The following CDK13 variants were observed in gnomAD, a reference collection of about 807,000 sequenced individuals.
CDK13 encodes cyclin dependent kinase 13.
A neutral mutation model predicts 137.6 loss-of-function variants in CDK13; 40 were observed. The ratio of observed to expected loss-of-function variants is 0.29; its 90% CI spans 0.23 to 0.38. CDK13 has a LOEUF of 0.38. Among genes scored for constraint, CDK13 ranks in the 10% least tolerant of loss-of-function variants. CDK13 has a pLI of 1.00. For missense variants in CDK13, 1,704 were observed against 1,951.8 expected (o/e 0.87, Z 2.39); for synonymous variants, 869 against 760.1 (o/e 1.14, Z -2.36).
intron 5 of CDK13, among the ~76,000 whole-genome samples, chr7:40,033,793 A>G (rs1785427457): frequency 1.3e-5 from 2 of 152,214 alleles, no homozygotes; most frequent in Admixed American, 1.3e-4. Context: ...TCAGTCTTTT[A>G]GTGAACCTGT....
chr7:39,987,912 A>G lies in CDK13; in HGVS notation c.1525A>G (p.Thr509Ala). The change falls in exon 2 of 14, where the codon ACA (threonine) becomes GCA (alanine). Residue 509 changes from threonine to alanine, a missense_variant. Thr to Ala is a moderately conservative substitution (Grantham distance 58). Coordinates refer to ENST00000181839, the MANE Select transcript of CDK13 (RefSeq NM_003718.5). The part of the protein sequence containing the change: ...NTETSASASQ[T>A]NHVKDVKKIK... ...GGAAACTAGTGCCAGTGCATCACAA[A>G]CAAACCATGTGAAGGATGTGAAGAA... The G allele has an allele frequency of 9.3e-6, 15 of 1,614,214 alleles. No individual in the cohort carries two copies. The highest frequency in any genetic ancestry group is 1.3e-5 in the Non-Finnish European group (15 of 1,179,992).
At chr7:40,076,937 T>C (rs560151738) in intron 9 of CDK13, among the ~76,000 whole-genome samples, 31 of 152,314 alleles carry the variant, frequency 2.0e-4, no homozygotes, top group African/African-American at 7.5e-4. Context: ...AAATTTGGTA[T>C]ACTAAAAATA....
rs1562690887 is a variant in CDK13, at chr7:39,950,367, G to A, written c.-275G>A. On this transcript the variant is annotated 5_prime_UTR_variant, in exon 1 of 14. In the 5' UTR this introduces an upstream ATG that the reference lacks. Transcript: ENST00000181839. ...CGCAGGTCAGCGCCCGGCGCATCTG[G>A]TGTTTTCGCTGCCGAGGATAGGACG... The A allele has an allele frequency of 1.7e-6, 2 of 1,206,562 alleles. No individual in the cohort carries two copies. Among genetic ancestry groups the A allele is most frequent in the Middle Eastern group, 3.2e-4 (1 of 3,126 alleles). 74.7% of individuals were successfully genotyped at this position (1,206,562 alleles called of 1,614,324 possible).
chr7:40,095,185 G>A lies in CDK13; in HGVS notation c.*205G>A. On this transcript the variant is annotated 3_prime_UTR_variant, in exon 14 of 14. Transcript: ENST00000181839. ...TGCTGTTCTAAAAACTAGATCGATT[G>A]TACATCTTCACAAATTCTAGTTAAC... 1 of 379,204 alleles carries A rather than the reference G, an allele frequency of 2.6e-6. No individual in the cohort carries two copies. Among genetic ancestry groups the A allele is most frequent in the Non-Finnish European group, 4.6e-6 (1 of 219,340 alleles). The allele number at this position is 379,204 out of a possible 1,614,324, so 23.5% of individuals were successfully genotyped here. A position where few individuals can be genotyped will look rare whatever the true frequency, so the allele number is the denominator to read the frequency against.
intron 9 of CDK13, among the ~76,000 whole-genome samples, chr7:40,066,300 A>G (rs1360148586): frequency 2.0e-5 from 3 of 152,242 alleles, no homozygotes; most frequent in Non-Finnish European, 2.9e-5. Flanking sequence ...ATTCCAGAAC[A>G]TAAGAATAAT....
intron 5 of CDK13, among the ~76,000 whole-genome samples, chr7:40,040,658 T>G (rs1785585293): frequency 6.6e-6 from 1 of 152,142 alleles, no homozygotes; most frequent in Admixed American, 6.5e-5. Context: ...TTCTGTCTTG[T>G]AAGAGTGTTT....
At chr7:40,037,481 G>C (rs576174559) in intron 5 of CDK13, among the ~76,000 whole-genome samples, 121 of 152,294 alleles carry the variant, frequency 7.9e-4, no homozygotes, top group African/African-American at 2.8e-3. Context: ...GCTTCTCCCA[G>C]GTTGAATGAT....
Position 39,987,813 on chromosome 7 carries a change from G to A in CDK13, c.1426G>A (p.Ala476Thr). Residue 476 changes from alanine (A) to threonine (T), a missense_variant, in exon 2 of 14, where the codon GCA becomes ACA. Ala to Thr is a moderately conservative substitution (Grantham distance 58, BLOSUM62 0). This residue lies in a region of CDK13 where 1,051 missense variants were observed against 931.0 expected (regional missense o/e 1.13). Coordinates refer to ENST00000181839, the MANE Select transcript of CDK13 (RefSeq NM_003718.5). ...CGCAGAAGCAGCGAAAGCTGCAGAAGCAACTAAGGCTGCTGAGGCTGCTGC... is the reference window on the plus strand; with the variant it reads ...CGCAGAAGCAGCGAAAGCTGCAGAAACAACTAAGGCTGCTGAGGCTGCTGC... Reference protein sequence around the residue: ...RAAEAAKAAEATKAAEAAAKA... With the variant: ...RAAEAAKAAETTKAAEAAAKA... 1 of 1,613,876 alleles carries A rather than the reference G, an allele frequency of 6.2e-7. No individual in the cohort carries two copies. Among genetic ancestry groups the A allele is most frequent in the Non-Finnish European group, 8.5e-7 (1 of 1,179,992 alleles).
intron 5 of CDK13, among the ~76,000 whole-genome samples, chr7:40,014,772 A>T (rs1278372536): frequency 1.3e-5 from 2 of 151,876 alleles, no homozygotes; most frequent in African/African-American, 4.8e-5. Flanking sequence ...TATTTCTTTA[A>T]CCATACATTT....
chr7:40,019,301 T>C lies in CDK13; in HGVS notation c.2353+17270T>C, dbSNP rs1452148820. Among the ~76,000 whole-genome samples, 4 of 152,342 alleles carry C rather than the reference T, an allele frequency of 2.6e-5. No homozygotes were observed. The East Asian group carries it at 7.7e-4, about 29-fold the overall frequency. On this transcript the variant is annotated intron_variant, in intron 5 of 13. Coordinates refer to ENST00000181839, the MANE Select transcript of CDK13 (RefSeq NM_003718.5). ...ATTGTCACTTAACACATCGAAGCTG[T>C]AAAAGAAAATTTTCTGTTAAAATGT...
intron 5 of CDK13, among the ~76,000 whole-genome samples, chr7:40,021,119 A>ACACACC (rs1785112836): frequency 4.7e-5 from 1 of 21,364 alleles, no homozygotes; most frequent in Non-Finnish European, 4.7e-4. Flanking sequence ...ATATATATAT[A>ACACACC]TATACACACA....
In CDK13 at chr7:39,950,768, C is replaced by T. The variant is rs1231327173; in HGVS notation, c.127C>T (p.Leu43Phe). 5 of 1,476,896 alleles carry T rather than the reference C, an allele frequency of 3.4e-6. No homozygotes were observed. Among genetic ancestry groups the T allele is most frequent in the Non-Finnish European group, 4.5e-6 (5 of 1,121,742 alleles). The allele number at this position is 1,476,896 out of a possible 1,614,324, so 91.5% of individuals were successfully genotyped here. A position where few individuals can be genotyped will look rare whatever the true frequency, so the allele number is the denominator to read the frequency against. ...SPQQPPLLLP[L>F]LQPQLLQPPP... ...TCAGCAGCCGCCGCTGCTGTTGCCG[C>T]TCCTGCAGCCGCAGCTCCTGCAACC... is the stretch of plus-strand genomic sequence containing the variant. The change falls in exon 1 of 14, where the codon CTC (leucine) becomes TTC (phenylalanine). Residue 43 changes from leucine (L) to phenylalanine (F), a missense_variant. Physicochemically the swap from Leu to Phe is conservative, Grantham distance 22. Coordinates refer to ENST00000181839, the MANE Select transcript of CDK13 (RefSeq NM_003718.5).
chr7:40,064,987 T>C (rs1368472749), intron 9 of CDK13, among the ~76,000 whole-genome samples: 1 of 78,198 alleles, frequency 1.3e-5, no homozygotes, highest in Admixed American at 1.4e-4. Flanking sequence ...TTTTTTTTTT[T>C]TTTTGGAGAC....
At chr7:39,955,772 A>G (rs1370799421) in intron 1 of CDK13, among the ~76,000 whole-genome samples, 1 of 152,106 alleles carries the variant, frequency 6.6e-6, no homozygotes, top group Non-Finnish European at 1.5e-5. Flanking sequence ...ACATTTCTTG[A>G]AGACATTAAT....
At position 40,094,636 on chromosome 7, in the gene CDK13, T is replaced by G. The variant is rs1422431671; in HGVS notation, c.4195T>G (p.Ser1399Ala). ...ACCTCAGCCTTCTGCCTTTTCTGAG[T>G]CATTTCCCAGTTCAGTAGCTGGATA... ...GPPQPSAFSE[S>A]FPSSVAGYGD... is the part of the protein sequence containing the mutation. Residue 1399 changes from serine (S) to alanine (A), a missense_variant, in exon 14 of 14, where the codon TCA becomes GCA. Transcript: ENST00000181839. The G allele has an allele frequency of 6.2e-7, 1 of 1,614,048 alleles. No individual in the cohort carries two copies. The highest frequency in any genetic ancestry group is 8.5e-7 in the Non-Finnish European group (1 of 1,180,030).
In CDK13 at chr7:39,951,385, C is replaced by T. The variant is rs1447156355; in HGVS notation, c.744C>T (p.Ser248=). The part of the protein sequence containing the change: ...SGEERAEVAK[S]GSSSSSGGRR... Reference sequence around the variant, plus strand: ...AGGAACGGGCCGAGGTCGCCAAGAGCGGCAGCAGCAGCAGCAGCGGCGGCC... The same window carrying T: ...AGGAACGGGCCGAGGTCGCCAAGAGTGGCAGCAGCAGCAGCAGCGGCGGCC... Residue 248 remains serine, a synonymous_variant, in exon 1 of 14, where the codon AGC becomes AGT. Coordinates refer to ENST00000181839, the MANE Select transcript of CDK13 (RefSeq NM_003718.5). 5.9e-6 allele frequency: 9 copies of T among 1,522,026 alleles called. No homozygotes were observed. Among genetic ancestry groups the T allele is most frequent in the African/African-American group, 1.4e-5 (1 of 70,638 alleles). 94.3% of individuals were successfully genotyped at this position (1,522,026 alleles called of 1,614,324 possible). A position where few individuals can be genotyped will look rare whatever the true frequency, so the allele number is the denominator to read the frequency against.
chr7:39,976,813 C>G (rs1223861375), intron 1 of CDK13, among the ~76,000 whole-genome samples: 1 of 152,032 alleles, frequency 6.6e-6, no homozygotes, highest in Non-Finnish European at 1.5e-5. Context: ...TATACCGTAC[C>G]TTGCATAAGA....
chr7:40,076,359 A>T (rs1412009506), intron 9 of CDK13, among the ~76,000 whole-genome samples: 1 of 152,186 alleles, frequency 6.6e-6, no homozygotes, highest in Non-Finnish European at 1.5e-5. Context: ...TATTAATTAG[A>T]TTACTTTTGA....
At chr7:39,960,850 C>T (rs1435308059) in intron 1 of CDK13, among the ~76,000 whole-genome samples, 1 of 151,952 alleles carries the variant, frequency 6.6e-6, no homozygotes, top group Admixed American at 6.6e-5. Flanking sequence ...GCTGGGATTA[C>T]AGGCGTGAGC....
Sources: allele counts gnomAD v4.1 joint callset (sites outside exome capture counted in the v4.1 genomes callset), GRCh38; gene constraint gnomAD v4.1.1; regional missense constraint gnomAD v4.1.1; transcripts MANE v1.5; gene names NCBI Gene and HGNC (gene_info 2026-07-23, HGNC 2026-07-21).